MMS22L: variants seen among roughly 807,000 people sequenced by gnomAD.
The protein encoded by MMS22L is MMS22 like, DNA repair protein.
Under a neutral mutation model 159.1 loss-of-function variants are expected in MMS22L, and 74 were observed. That is an observed-to-expected ratio of 0.47 (90% CI 0.39 to 0.56). The LOEUF (loss-of-function observed/expected upper bound fraction) is 0.56. Ranked by LOEUF, MMS22L falls within the 20% of genes least tolerant of loss-of-function variation. The probability of loss-of-function intolerance (pLI) is 0.00; values close to 1 mark genes in which losing one functional copy is unlikely to be tolerated. For missense variants in MMS22L, 1,351 were observed against 1,422.1 expected, an observed-to-expected ratio of 0.95 and a Z score of 0.80; for synonymous variants, 517 against 506.9, an observed-to-expected ratio of 1.02 and a Z score of -0.27.
At chr6:97,173,407 G>A (rs1803766008) in intron 18 of MMS22L, among the ~76,000 whole-genome samples, 185 bp from the exon 19 acceptor site, 1 of 151,912 alleles carries the variant, frequency 6.6e-6, no homozygotes, top group Non-Finnish European at 1.5e-5. Context: ...ATTAAGTCTT[G>A]TCTTTTATTA....
intron 22 of MMS22L, among the ~76,000 whole-genome samples, chr6:97,161,371 C>T (rs1410365149): frequency 2.6e-5 from 4 of 152,162 alleles, no homozygotes; most frequent in African/African-American, 9.6e-5. Context: ...TAGTAATACA[C>T]TGGGGCATAA....
intron 14 of MMS22L, among the ~76,000 whole-genome samples, chr6:97,194,131 C>G (rs1218072140): frequency 6.6e-6 from 1 of 151,940 alleles, no homozygotes; most frequent in African/African-American, 2.4e-5. Flanking sequence ...CATCTCAGCT[C>G]ACTGCAACCT....
intron 23 of MMS22L, among the ~76,000 whole-genome samples, chr6:97,150,349 G>A (rs1267456902): frequency 6.6e-6 from 1 of 151,958 alleles, no homozygotes; most frequent in Non-Finnish European, 1.5e-5. Context: ...GAGTGGAAAG[G>A]ATATGGGAGA....
rs1169514274 is a variant in MMS22L, at chr6:97,254,555, A to C, written c.1119+2T>G. ...GAAAGTTTTTAAAAAATGAAGTCTT[A>C]CCATTTCATCTGGTACTCCATGGCG... On this transcript the variant is annotated splice_donor_variant, in intron 10 of 24. Transcript: ENST00000683635. LOFTEE classifies it high-confidence loss of function. 1 of 1,611,358 alleles carries C rather than the reference A, an allele frequency of 6.2e-7. No homozygotes were observed. Among genetic ancestry groups the C allele is most frequent in the East Asian group, 2.2e-5 (1 of 44,778 alleles).
At position 97,229,295 on chromosome 6, in the gene MMS22L, ATCT is replaced by A. The variant is rs750297888; in HGVS notation, c.1635_1637del (p.Glu545del). The A allele has an allele frequency of 6.2e-7, 1 of 1,614,166 alleles. No homozygotes were observed. The highest frequency in any genetic ancestry group is 1.1e-5 in the South Asian group (1 of 91,088). ...GGAGGTCTAAAACATGACTTGCAAC[ATCT>A]TCTACCTCTGCAACAGCTGCTAACA... On this transcript the variant is annotated inframe_deletion, in exon 14 of 25. Coordinates refer to ENST00000683635, the MANE Select transcript of MMS22L (RefSeq NM_001350599.2).
At chr6:97,245,708 C>T (rs1017632928) in intron 11 of MMS22L, among the ~76,000 whole-genome samples, 1 of 151,952 alleles carries the variant, frequency 6.6e-6, no homozygotes, top group Admixed American at 6.6e-5. Context: ...GCATTCTAAG[C>T]TAAAATTTTT....
At chr6:97,223,146 A>T (rs7765171) in intron 14 of MMS22L, among the ~76,000 whole-genome samples, 99,239 of 151,930 alleles carry the variant, frequency 0.65, 33,746 homozygotes, top group Non-Finnish European at 0.76. Flanking sequence ...TATTATTCCT[A>T]AACAGCCTAG....
At position 97,246,810 on chromosome 6, in the gene MMS22L, A is replaced by G. The variant is rs1190412675; in HGVS notation, c.1120-120T>C. 12 of 610,870 alleles carry G rather than the reference A, an allele frequency of 2.0e-5. 1 individual carries two copies. In the East Asian group the frequency reaches 3.6e-4, roughly 18 times the overall value. The allele number at this position is 610,870 out of a possible 1,614,324, so 37.8% of individuals were successfully genotyped here. A position where few individuals can be genotyped will look rare whatever the true frequency, so the allele number is the denominator to read the frequency against. ...TCCTCTATCATTCAGCATCAATGTG[A>G]TTTCTTGAATTTCTAATATTCCTTT... On this transcript the variant is annotated intron_variant, in intron 10 of 24. Coordinates refer to ENST00000683635, the MANE Select transcript of MMS22L (RefSeq NM_001350599.2).
intron 9 of MMS22L, chr6:97,259,415 A>G (rs994878392): frequency 2.0e-5 from 3 of 152,192 alleles, no homozygotes; most frequent in Admixed American, 2.0e-4. Context: ...GCCCTCTCTA[A>G]TATGGGTGGG....
chr6:97,253,727 T>A (rs1442485525), intron 10 of MMS22L: 2 of 152,244 alleles, frequency 1.3e-5, no homozygotes, highest in Non-Finnish European at 2.9e-5. Context: ...TCCAAAGTGC[T>A]GGGATTATAG....
intron 15 of MMS22L, among the ~76,000 whole-genome samples, chr6:97,184,434 A>G (rs909253842): frequency 2.0e-5 from 3 of 152,032 alleles, no homozygotes; most frequent in Non-Finnish European, 1.5e-5. Flanking sequence ...CCTCTTCCTG[A>G]ACTCTAGGAT....
chr6:97,173,974 C>T (rs1489953196), intron 18 of MMS22L, among the ~76,000 whole-genome samples: 3 of 104,230 alleles, frequency 2.9e-5, no homozygotes, highest in Non-Finnish European at 4.0e-5. Context: ...GGAAAGTGGC[C>T]GGTGCGGTGG....
chr6:97,200,518 C>T (rs973100238), intron 14 of MMS22L, among the ~76,000 whole-genome samples: 3 of 152,010 alleles, frequency 2.0e-5, no homozygotes, highest in Non-Finnish European at 2.9e-5. Context: ...TATCTGCATG[C>T]TTAGGGCTTG....
intron 9 of MMS22L, chr6:97,261,203 G>C (rs1475020321): frequency 6.6e-6 from 1 of 152,118 alleles, no homozygotes; most frequent in Non-Finnish European, 1.5e-5. Context: ...GAGCTTTAGA[G>C]GTTTTCTGTT....
At chr6:97,196,874 A>G (rs1400887654) in intron 14 of MMS22L, among the ~76,000 whole-genome samples, 1 of 152,118 alleles carries the variant, frequency 6.6e-6, no homozygotes, top group African/African-American at 2.4e-5. Context: ...ACATAATTAT[A>G]TCTATACATT....
chr6:97,246,702 G>A lies in MMS22L; in HGVS notation c.1120-12C>T. On this transcript the variant is annotated splice_polypyrimidine_tract_variant and intron_variant, in intron 10 of 24. Coordinates refer to ENST00000683635, the MANE Select transcript of MMS22L (RefSeq NM_001350599.2). ...GATTCCACTTTTCTCTAGAAAGGGA[G>A]AAAATAGTGCATCAAAATTATTGCT... 7.1e-7 allele frequency: 1 copy of A among 1,406,010 alleles called. No homozygotes were observed. The highest frequency in any genetic ancestry group is 9.6e-7 in the Non-Finnish European group (1 of 1,036,660). 87.1% of individuals were successfully genotyped at this position (1,406,010 alleles called of 1,614,324 possible).
intron 11 of MMS22L, among the ~76,000 whole-genome samples, chr6:97,240,416 G>A (rs1216034594): frequency 1.3e-5 from 2 of 152,068 alleles, no homozygotes; most frequent in African/African-American, 4.8e-5. Context: ...ACTCATCCTG[G>A]TTTGCTCAGA....
rs754947379 is a variant in MMS22L, at chr6:97,272,972, T to C, written c.428+3A>G. ...TGATCAAAATACTCATCTGATATCCTACCTGAAGATGAAAACTTTAACATA... is the reference window on the plus strand; with the variant it reads ...TGATCAAAATACTCATCTGATATCCCACCTGAAGATGAAAACTTTAACATA... On this transcript the variant is annotated splice_donor_region_variant and intron_variant, in intron 5 of 24. Transcript: ENST00000683635. 30 of 1,611,092 alleles carry C rather than the reference T, an allele frequency of 1.9e-5. No individual in the cohort carries two copies. Among genetic ancestry groups the C allele is most frequent in the Admixed American group, 1.7e-5 (1 of 59,612 alleles).
At chr6:97,222,803 G>A (rs1250087060) in intron 14 of MMS22L, among the ~76,000 whole-genome samples, 3 of 152,012 alleles carry the variant, frequency 2.0e-5, no homozygotes, top group African/African-American at 4.8e-5. Context: ...GAAAATGGAG[G>A]TTTATAATGG....
Sources: gnomAD v4.1 joint callset for allele counts (sites outside exome capture counted in the v4.1 genomes callset) on GRCh38, gnomAD v4.1.1 for gene constraint, MANE v1.5 for transcripts, NCBI Gene and HGNC (gene_info 2026-07-23, HGNC 2026-07-21) for gene names.